The following TLK2 variants were observed in gnomAD, a reference collection of about 807,000 sequenced individuals.
TLK2 encodes tousled like kinase 2, also known as serine/threonine-protein kinase tousled-like 2.
A neutral mutation model predicts 117.3 loss-of-function variants in TLK2; 6 were observed. The observed-to-expected ratio is 0.05, with a 90% CI of 0.03 to 0.10. The LOEUF (loss-of-function observed/expected upper bound fraction) is 0.10, where lower values mean the gene tolerates loss of function less well. TLK2 is among the 10% of genes least tolerant of loss of function. The pLI is 1.00. For missense variants in TLK2, 299 were observed against 901.2 expected (o/e 0.33, Z 8.56); for synonymous variants, 257 against 316.7 (o/e 0.81, Z 2.00).
chr17:62,572,353 G>A (rs572734474), intron 11 of TLK2, among the ~76,000 whole-genome samples: 2 of 151,820 alleles, frequency 1.3e-5, no homozygotes, highest in East Asian at 3.9e-4. Context: ...AATTTTGTAT[G>A]TTTTTATATA....
Position 62,557,471 on chromosome 17 carries a change from T to C in TLK2, c.721-2545T>C, listed in dbSNP as rs142682594. Among the ~76,000 whole-genome samples the C allele has an allele frequency of 1.8e-3, 268 of 152,348 alleles. 1 individual carries two copies. The highest frequency in any genetic ancestry group is 6.1e-3 in the African/African-American group (255 of 41,580). ...TTTTTGTTGTTGTTTTTATTTACTA[T>C]TGTTATTTTTATTTCCTTTCCTCCA... On this transcript the variant is annotated intron_variant, in intron 9 of 21. Transcript: ENST00000346027.
chr17:62,607,539 A>T (rs996775541), intron 20 of TLK2, among the ~76,000 whole-genome samples: 2 of 151,516 alleles, frequency 1.3e-5, no homozygotes, highest in African/African-American at 4.9e-5. Context: ...AAAAAAAAAG[A>T]CAAAGGAAAT....
intron 2 of TLK2, among the ~76,000 whole-genome samples, chr17:62,517,526 C>T (rs2075699895): frequency 6.6e-6 from 1 of 151,844 alleles, no homozygotes; most frequent in Non-Finnish European, 1.5e-5. Flanking sequence ...TCCCAAGTAG[C>T]TGGGACTACA....
In TLK2 at chr17:62,519,943, T is replaced by C. The variant is rs188977464; in HGVS notation, c.82-830T>C. Among the ~76,000 whole-genome samples the C allele has an allele frequency of 9.1e-4, 139 of 152,292 alleles. No homozygotes were observed. The Middle Eastern group carries it at 0.014, about 15-fold the overall frequency. ...CGTAGTACCACAACCCCTATTGTTT[T>C]TGGGAACACCCTTAGACTGAAACTT... On this transcript the variant is annotated intron_variant, in intron 2 of 21. Coordinates refer to ENST00000346027, the MANE Select transcript of TLK2 (RefSeq NM_006852.6).
intron 12 of TLK2, 37 bp from the exon 13 acceptor site, chr17:62,576,672 C>G (rs772022946): frequency 6.7e-7 from 1 of 1,490,400 alleles, no homozygotes; most frequent in Admixed American, 1.7e-5. Context: ...ACTATGATTT[C>G]TAGTAGTTTA....
intron 6 of TLK2, among the ~76,000 whole-genome samples, chr17:62,530,273 GAAAC>G (rs140690874): frequency 0.025 from 3,754 of 151,780 alleles, 153 homozygotes; most frequent in African/African-American, 0.084. Flanking sequence ...GACTGTCTCA[GAAAC>G]AAACAAACAA....
rs189242110 is a variant in TLK2, at chr17:62,600,923, C to G, written c.1720+103C>G. 30 of 1,174,866 alleles carry G rather than the reference C, an allele frequency of 2.6e-5. No homozygotes were observed. The African/African-American group carries it at 4.0e-4, about 16-fold the overall frequency. The allele number at this position is 1,174,866 out of a possible 1,614,324, so 72.8% of individuals were successfully genotyped here. ...AGAATTTCACAGCAGCCAAGAAAGG[C>G]TAATAACATCTGACTTTTGATTGCC... On this transcript the variant is annotated intron_variant, in intron 18 of 21. Coordinates refer to ENST00000346027, the MANE Select transcript of TLK2 (RefSeq NM_006852.6).
At chr17:62,604,830 A>G (rs2083152570) in intron 19 of TLK2, among the ~76,000 whole-genome samples, 1 of 151,754 alleles carries the variant, frequency 6.6e-6, no homozygotes, top group Admixed American at 6.6e-5. Flanking sequence ...AGGTCACACT[A>G]CTACACTCCA....
At chr17:62,497,133 CT>C (rs2073779898) in intron 2 of TLK2, among the ~76,000 whole-genome samples, 1 of 151,718 alleles carries the variant, frequency 6.6e-6, no homozygotes, top group Non-Finnish European at 1.5e-5. Context: ...TGGCGTGTGC[CT>C]ATAGTCCCAT....
chr17:62,489,592 C>A (rs2072888594), intron 2 of TLK2, among the ~76,000 whole-genome samples: 1 of 152,044 alleles, frequency 6.6e-6, no homozygotes, highest in South Asian at 2.1e-4. Flanking sequence ...ACCCTATTTT[C>A]TCATTATTCA....
chr17:62,503,377 T>G (rs954256699), intron 2 of TLK2, among the ~76,000 whole-genome samples: 9 of 151,502 alleles, frequency 5.9e-5, no homozygotes, highest in African/African-American at 2.2e-4. Context: ...ATTTTTTATT[T>G]AGATGAGTGG....
chr17:62,574,455 C>G, intron 12 of TLK2: 7 of 894,418 alleles, frequency 7.8e-6, no homozygotes, highest in Non-Finnish European at 1.1e-5. Context: ...TTAAGTATAG[C>G]GATAAAAATG....
At chr17:62,565,262 A>G in intron 11 of TLK2, 125 bp downstream of exon 11, 1 of 1,241,646 alleles carries the variant, frequency 8.1e-7, no homozygotes, top group Non-Finnish European at 1.1e-6. Flanking sequence ...TTTTTTAGTC[A>G]CCACATGTGG....
Position 62,540,400 on chromosome 17 carries a change from A to ATTTTTTTTTTTTTTTTTTTT in TLK2, c.531+4067_531+4086dup, listed in dbSNP as rs534202077. Among the ~76,000 whole-genome samples, 18 of 19,982 alleles carry ATTTTTTTTTTTTTTTTTTTT rather than the reference A, an allele frequency of 9.0e-4. 1 individual carries two copies. Among genetic ancestry groups the ATTTTTTTTTTTTTTTTTTTT allele is most frequent in the African/African-American group, 1.1e-3 (15 of 13,648 alleles). The allele number at this position is 19,982 out of a possible 152,430, so 13.1% of individuals were successfully genotyped here. A position where few individuals can be genotyped will look rare whatever the true frequency, so the allele number is the denominator to read the frequency against. On this transcript the variant is annotated intron_variant, in intron 7 of 21. Transcript: ENST00000346027. Reference sequence around the variant, plus strand: ...ATTTTACCTTCAAAATATGTTCAGAATTTTTTTTTTTTTTTTTTTTTTTGA... The same window carrying ATTTTTTTTTTTTTTTTTTTT: ...ATTTTACCTTCAAAATATGTTCAGAATTTTTTTTTTTTTTTTTTTTTTTTTTTTTTTTTTTTTTTTTTTGA...
At chr17:62,539,292 C>T (rs955142736) in intron 7 of TLK2, among the ~76,000 whole-genome samples, 1 of 152,090 alleles carries the variant, frequency 6.6e-6, no homozygotes, top group African/African-American at 2.4e-5. Flanking sequence ...CGCATCAGAC[C>T]TCATCTGACG....
intron 2 of TLK2, among the ~76,000 whole-genome samples, chr17:62,503,748 G>A (rs1480345539): frequency 8.3e-6 from 1 of 120,316 alleles, no homozygotes; most frequent in Non-Finnish European, 1.7e-5. Context: ...TTTTTTTTGA[G>A]ACAGAGTTTC....
intron 2 of TLK2, among the ~76,000 whole-genome samples, chr17:62,496,519 T>G (rs1009340983): frequency 5.9e-5 from 9 of 152,184 alleles, no homozygotes; most frequent in Non-Finnish European, 1.3e-4. Context: ...GGAATTTGTC[T>G]CCCATAGTCA....
At chr17:62,516,402 T>G in intron 2 of TLK2, 2 of 1,589,622 alleles carry the variant, frequency 1.3e-6, no homozygotes, top group Non-Finnish European at 1.7e-6. Context: ...CAGCCTCGGC[T>G]TTCTTGTCGG....
intron 2 of TLK2, among the ~76,000 whole-genome samples, chr17:62,507,883 A>AT (rs921990749): frequency 6.6e-6 from 1 of 152,004 alleles, no homozygotes; most frequent in Non-Finnish European, 1.5e-5. Flanking sequence ...AAAAAAGTAC[A>AT]TTTTAAGTAT....
Sources: allele counts gnomAD v4.1 joint callset (sites outside exome capture counted in the v4.1 genomes callset), GRCh38; gene constraint gnomAD v4.1.1; transcripts MANE v1.5; gene names NCBI Gene and HGNC (gene_info 2026-07-23, HGNC 2026-07-21).